ATP9A: variants seen among roughly 807,000 people sequenced by gnomAD.
ATP9A encodes ATPase phospholipid transporting 9A.
Under a neutral mutation model 144.1 loss-of-function variants are expected in ATP9A, and 52 were observed. That is an observed-to-expected ratio of 0.36 (90% CI 0.29 to 0.45). ATP9A has a LOEUF of 0.45. ATP9A is among the 20% of genes least tolerant of loss of function. The pLI is 1.00. For missense variants in ATP9A, 947 were observed against 1,392.7 expected (o/e 0.68, Z 5.09); for synonymous variants, 582 against 557.4 (o/e 1.04, Z -0.62).
intron 3 of ATP9A, among the ~76,000 whole-genome samples, chr20:51,717,413 T>A (rs1178879588): frequency 6.6e-6 from 1 of 152,190 alleles, no homozygotes; most frequent in East Asian, 1.9e-4. Context: ...AAACCCTTTT[T>A]TCTGTAGCTG....
intron 1 of ATP9A, among the ~76,000 whole-genome samples, chr20:51,744,098 G>C (rs908029151): frequency 2.0e-5 from 3 of 152,140 alleles, no homozygotes; most frequent in African/African-American, 7.2e-5. Flanking sequence ...AGGTTAAAGT[G>C]TAAGTTTATA....
intron 22 of ATP9A, among the ~76,000 whole-genome samples, chr20:51,616,786 C>T (rs565620880): frequency 1.3e-5 from 2 of 152,208 alleles, no homozygotes; most frequent in South Asian, 2.1e-4. Context: ...ATTATACCTG[C>T]CAAGGCCTTT....
chr20:51,623,286 G>T (rs1005954720), intron 18 of ATP9A, among the ~76,000 whole-genome samples: 7 of 152,178 alleles, frequency 4.6e-5, no homozygotes, highest in Non-Finnish European at 8.8e-5. Flanking sequence ...GGAAGTTCAA[G>T]TTCCAGAAAA....
chr20:51,638,214 C>T (rs2077303550), intron 15 of ATP9A, among the ~76,000 whole-genome samples: 1 of 141,802 alleles, frequency 7.1e-6, no homozygotes, highest in Non-Finnish European at 1.5e-5. Context: ...TATAAAAATG[C>T]ATGTGCAAGT....
intron 1 of ATP9A, among the ~76,000 whole-genome samples, chr20:51,762,150 A>C (rs988137663): frequency 1.3e-5 from 2 of 152,190 alleles, no homozygotes; most frequent in African/African-American, 4.8e-5. Flanking sequence ...AGATAACTTG[A>C]GGTCAGGAGT....
At chr20:51,761,488 G>C (rs140293900) in intron 1 of ATP9A, among the ~76,000 whole-genome samples, 4 of 152,088 alleles carry the variant, frequency 2.6e-5, no homozygotes, top group African/African-American at 9.7e-5. Flanking sequence ...TTGGCCGGGC[G>C]CCGTGGCTCA....
At chr20:51,715,389 C>T (rs1049253209) in intron 3 of ATP9A, among the ~76,000 whole-genome samples, 3 of 152,186 alleles carry the variant, frequency 2.0e-5, no homozygotes, top group Non-Finnish European at 2.9e-5. Flanking sequence ...GTGAGGAGCA[C>T]GTACCCGGTG....
chr20:51,757,812 G>A (rs899107409), intron 1 of ATP9A, among the ~76,000 whole-genome samples: 3 of 152,054 alleles, frequency 2.0e-5, no homozygotes, highest in African/African-American at 4.8e-5. Flanking sequence ...AGGCTGCAGC[G>A]GTAGGATTGT....
intron 26 of ATP9A, among the ~76,000 whole-genome samples, chr20:51,606,089 GA>G (rs2077162474): frequency 6.6e-6 from 1 of 151,862 alleles, no homozygotes; most frequent in African/African-American, 2.4e-5. Context: ...CCAACATGGT[GA>G]AACCCCCGCC....
At chr20:51,668,111 T>A (rs1432925237) in intron 13 of ATP9A, among the ~76,000 whole-genome samples, 1 of 1,344 alleles carries the variant, frequency 7.4e-4, no homozygotes, top group Non-Finnish European at 2.0e-3. Context: ...GCGGAAGGGC[T>A]GGGAGTGGGC....
At chr20:51,664,121 T>C (rs899070373) in intron 13 of ATP9A, among the ~76,000 whole-genome samples, 1 of 151,978 alleles carries the variant, frequency 6.6e-6, no homozygotes, top group Non-Finnish European at 1.5e-5. Context: ...TTCAAGCAAG[T>C]CTCCTGCCTC....
chr20:51,713,806 C>A (rs2077650176), intron 3 of ATP9A, among the ~76,000 whole-genome samples: 1 of 152,174 alleles, frequency 6.6e-6, no homozygotes, highest in South Asian at 2.1e-4. Flanking sequence ...TAAATGTTTT[C>A]CAATTTCCTT....
chr20:51,652,294 A>C (rs775831941), intron 14 of ATP9A, among the ~76,000 whole-genome samples: 2 of 152,248 alleles, frequency 1.3e-5, no homozygotes, highest in African/African-American at 2.4e-5. Flanking sequence ...TAGCTGAATA[A>C]AGACACTTCA....
intron 27 of ATP9A, among the ~76,000 whole-genome samples, chr20:51,603,947 A>G (rs1332912612): frequency 4.0e-5 from 6 of 151,714 alleles, no homozygotes; most frequent in African/African-American, 1.5e-4. Context: ...CGCCCTGCTG[A>G]TTTTTGTATT....
chr20:51,735,117 G>A (rs2122881118), intron 1 of ATP9A: 1 of 162,468 alleles, frequency 6.2e-6, no homozygotes, highest in South Asian at 1.7e-4. Flanking sequence ...TGACCTCTGG[G>A]CTGCCGTCTG....
At chr20:51,757,619 G>A (rs537349111) in intron 1 of ATP9A, among the ~76,000 whole-genome samples, 3 of 152,194 alleles carry the variant, frequency 2.0e-5, no homozygotes, top group Non-Finnish European at 4.4e-5. Flanking sequence ...AAAAATAAAA[G>A]CAGGGCCAGG....
chr20:51,612,752 TGA>T (rs1433222799), intron 23 of ATP9A, among the ~76,000 whole-genome samples: 1 of 152,134 alleles, frequency 6.6e-6, no homozygotes, highest in African/African-American at 2.4e-5. Flanking sequence ...AAGAAGTTTG[TGA>T]GAGAGAAGGT....
chr20:51,645,362 A>G (rs1265169922), intron 14 of ATP9A, among the ~76,000 whole-genome samples: 1 of 152,146 alleles, frequency 6.6e-6, no homozygotes, highest in Non-Finnish European at 1.5e-5. Context: ...TCTACTAAAG[A>G]TACAAAAATT....
At chr20:51,724,562 T>C (rs1291102660) in intron 3 of ATP9A, among the ~76,000 whole-genome samples, 1 of 152,272 alleles carries the variant, frequency 6.6e-6, no homozygotes, top group African/African-American at 2.4e-5. Context: ...GACCTTATTC[T>C]GTTACCTTCA....
Sources: gnomAD v4.1 joint callset for allele counts (sites outside exome capture counted in the v4.1 genomes callset) on GRCh38, gnomAD v4.1.1 for gene constraint, MANE v1.5 for transcripts, NCBI Gene and HGNC (gene_info 2026-07-23, HGNC 2026-07-21) for gene names.